RALYL: variants seen among roughly 807,000 people sequenced by gnomAD.
The protein encoded by RALYL is RNA-binding Raly-like protein.
Under a neutral mutation model 35.1 loss-of-function variants are expected in RALYL, and 29 were observed. The ratio of observed to expected loss-of-function variants is 0.83; its 90% CI spans 0.61 to 1.13. RALYL has a LOEUF of 1.13. Among genes scored for constraint, RALYL ranks in the 50% most tolerant of loss-of-function variants. The pLI is 0.00. For synonymous variants in RALYL, 120 were observed against 127.6 expected, an observed-to-expected ratio of 0.94 and a Z score of 0.40; for missense variants, 359 against 360.4, an observed-to-expected ratio of 1.00 and a Z score of 0.03.
chr8:84,803,980 T>C (rs997373531), intron 3 of RALYL, among the ~76,000 whole-genome samples: 1 of 152,182 alleles, frequency 6.6e-6, no homozygotes, highest in Admixed American at 6.5e-5. Flanking sequence ...GTGGCCAAAA[T>C]ACACTTACCA....
chr8:84,372,917 C>CTTTTTTTTTTTTTTTTTTTTTTTTTTTT (rs1856174202), intron 1 of RALYL, among the ~76,000 whole-genome samples: 108 of 49,038 alleles, frequency 2.2e-3, no homozygotes, highest in African/African-American at 4.4e-3. Context: ...TTTTTTTTTA[C>CTTTTTTTTTTTTTTTTTTTTTTTTTTTT]TTTTTAATAA....
At chr8:84,520,716 A>C (rs1331675028) in intron 1 of RALYL, among the ~76,000 whole-genome samples, 2 of 152,182 alleles carry the variant, frequency 1.3e-5, no homozygotes, top group Non-Finnish European at 2.9e-5. Context: ...ATTGTGAACT[A>C]TGCATGTGAG....
chr8:84,706,195 C>A, intron 2 of RALYL: 1 of 804,858 alleles, frequency 1.2e-6, no homozygotes, highest in Non-Finnish European at 1.9e-6. Context: ...CTCACCCTAA[C>A]CTTTATCTTT....
At chr8:84,893,296 C>G (rs1290762794) in intron 8 of RALYL, among the ~76,000 whole-genome samples, 1 of 152,150 alleles carries the variant, frequency 6.6e-6, no homozygotes, top group Admixed American at 6.6e-5. Context: ...AGATAATTCA[C>G]ATTATACATA....
At chr8:84,703,454 T>A (rs1010052137) in intron 2 of RALYL, among the ~76,000 whole-genome samples, 1 of 152,120 alleles carries the variant, frequency 6.6e-6, no homozygotes, top group African/African-American at 2.4e-5. Flanking sequence ...TATATACATG[T>A]GGATTTTAAG....
chr8:84,432,152 A>G (rs909437666), intron 1 of RALYL, among the ~76,000 whole-genome samples: 2 of 152,178 alleles, frequency 1.3e-5, no homozygotes, highest in Non-Finnish European at 2.9e-5. Flanking sequence ...AGCATGATTC[A>G]TAATAGCTAA....
chr8:84,698,540 A>G (rs1343045505), intron 2 of RALYL, among the ~76,000 whole-genome samples: 2 of 152,104 alleles, frequency 1.3e-5, no homozygotes, highest in Non-Finnish European at 2.9e-5. Context: ...CCTCACACCA[A>G]GAAGAATTTG....
intron 1 of RALYL, among the ~76,000 whole-genome samples, chr8:84,326,964 G>C (rs1845920772): frequency 1.3e-5 from 2 of 152,254 alleles, no homozygotes; most frequent in African/African-American, 4.8e-5. Context: ...ATGGAGAATG[G>C]GGGGCAACTA....
At chr8:84,543,510 AAAAC>A (rs1335888220) in intron 2 of RALYL, among the ~76,000 whole-genome samples, 1 of 152,056 alleles carries the variant, frequency 6.6e-6, no homozygotes, top group Non-Finnish European at 1.5e-5. Flanking sequence ...AAAATAAAAA[AAAAC>A]AACTTAGTAA....
rs921075891 is a variant in RALYL, at chr8:84,604,278, C to T, written c.256+74701C>T. Among the ~76,000 whole-genome samples, 9 of 152,240 alleles carry T rather than the reference C, an allele frequency of 5.9e-5. No homozygotes were observed. In the South Asian group the frequency reaches 8.3e-4, roughly 14 times the overall value. On this transcript the variant is annotated intron_variant, in intron 2 of 8. Transcript: ENST00000521268. ...AAATTCAGGAAAGTATACTAAGTAA[C>T]ATGTGGCTTATTGTTAGTCTATACA...
At chr8:84,642,028 G>C (rs1244728690) in intron 2 of RALYL, among the ~76,000 whole-genome samples, 2 of 151,762 alleles carry the variant, frequency 1.3e-5, no homozygotes, top group Non-Finnish European at 2.9e-5. Flanking sequence ...AAAGCATTTG[G>C]ACTTAATTTA....
At chr8:84,584,348 T>C (rs1811510992) in intron 2 of RALYL, among the ~76,000 whole-genome samples, 2 of 152,146 alleles carry the variant, frequency 1.3e-5, no homozygotes, top group African/African-American at 2.4e-5. Context: ...CTCACACCTG[T>C]AATCCCAGCA....
At chr8:84,603,208 T>TTC (rs1816352588) in intron 2 of RALYL, among the ~76,000 whole-genome samples, 2 of 151,976 alleles carry the variant, frequency 1.3e-5, no homozygotes, top group South Asian at 4.1e-4. Context: ...GAATAAGGAA[T>TTC]GAGAAAGGTG....
At chr8:84,689,958 G>A (rs1202815769) in intron 2 of RALYL, among the ~76,000 whole-genome samples, 14 of 152,132 alleles carry the variant, frequency 9.2e-5, no homozygotes, top group Non-Finnish European at 2.1e-4. Flanking sequence ...GTACAGCCCT[G>A]ATGGAACAGT....
chr8:84,746,102 A>AAAGT (rs1808536393), intron 2 of RALYL, among the ~76,000 whole-genome samples: 1 of 152,028 alleles, frequency 6.6e-6, no homozygotes, highest in Admixed American at 6.6e-5. Context: ...TCAAAATTTA[A>AAAGT]AAGTTGATTG....
At chr8:84,337,194 A>G (rs1847957812) in intron 1 of RALYL, among the ~76,000 whole-genome samples, 1 of 151,840 alleles carries the variant, frequency 6.6e-6, no homozygotes, top group African/African-American at 2.4e-5. Flanking sequence ...TGTTTGGTGC[A>G]TATTTGATTC....
intron 3 of RALYL, among the ~76,000 whole-genome samples, chr8:84,796,434 T>C (rs1821918610): frequency 6.6e-6 from 1 of 152,238 alleles, no homozygotes; most frequent in Non-Finnish European, 1.5e-5. Context: ...CCTTTCCCTA[T>C]TACATAAAGA....
At chr8:84,618,067 G>T (rs929067803) in intron 2 of RALYL, among the ~76,000 whole-genome samples, 1 of 151,698 alleles carries the variant, frequency 6.6e-6, no homozygotes, top group Non-Finnish European at 1.5e-5. Context: ...TTTTGGTTGT[G>T]TCTCTGCCCG....
chr8:84,636,588 C>T (rs1392645678), intron 2 of RALYL, among the ~76,000 whole-genome samples: 1 of 151,718 alleles, frequency 6.6e-6, no homozygotes, highest in Non-Finnish European at 1.5e-5. Context: ...AATATACTAC[C>T]ACAAGAATAA....
Sources: gnomAD v4.1 joint callset for allele counts (sites outside exome capture counted in the v4.1 genomes callset) on GRCh38, gnomAD v4.1.1 for gene constraint, MANE v1.5 for transcripts, NCBI Gene and HGNC (gene_info 2026-07-23, HGNC 2026-07-21) for gene names.